Variants in PROSER2 observed in about 807,000 individuals in gnomAD.
PROSER2 encodes proline and serine rich 2, also known as proline and serine-rich protein 2.
PROSER2 carries 18 observed loss-of-function variants against 14.6 expected under a neutral mutation model. The ratio of observed to expected loss-of-function variants is 1.23; its 90% CI spans 0.85 to 1.83. The LOEUF is 1.83. Ranked by LOEUF, PROSER2 falls within the 40% of genes most tolerant of loss-of-function variation. The probability of loss-of-function intolerance (pLI) is 0.00; values close to 1 mark genes in which losing one functional copy is unlikely to be tolerated. For synonymous variants in PROSER2, 367 were observed against 286.4 expected, an observed-to-expected ratio of 1.28 and a Z score of -2.84; for missense variants, 823 against 629.8, an observed-to-expected ratio of 1.31 and a Z score of -3.28.
chr10:11,870,060 G>A lies in PROSER2; in HGVS notation c.962G>A (p.Gly321Asp). 2.4e-6 allele frequency: 3 copies of A among 1,245,404 alleles called. No homozygotes were observed. The highest frequency in any genetic ancestry group is 3.0e-6 in the Non-Finnish European group (3 of 995,112). 77.1% of individuals were successfully genotyped at this position (1,245,404 alleles called of 1,614,324 possible). ...CCGGAGCGGGTGGCGCGTGGCCGGG[G>A]CCTGCCGGGCCCCGCTGAGAGTCTC... is the stretch of plus-strand genomic sequence containing the variant. Reference protein sequence around the residue: ...SSPERVARGRGLPGPAESLRA... With the variant: ...SSPERVARGRDLPGPAESLRA... The change falls in exon 4 of 4, where the codon GGC becomes GAC. Residue 321 changes from glycine (G) to aspartate (D), a missense_variant. Gly to Asp is a moderately conservative substitution (Grantham distance 94). Coordinates refer to ENST00000277570, the MANE Select transcript of PROSER2 (RefSeq NM_153256.4).
At chr10:11,831,444 A>G (rs1002986914) in intron 1 of PROSER2, among the ~76,000 whole-genome samples, 2 of 152,256 alleles carry the variant, frequency 1.3e-5, no homozygotes, top group African/African-American at 4.8e-5. Flanking sequence ...TTTGCTCAGG[A>G]ATCCAGAAAT....
In PROSER2 at chr10:11,830,076, C is replaced by A. The variant is rs1041532747; in HGVS notation, c.-82+6606C>A. Among the ~76,000 whole-genome samples, 2 of 152,050 alleles carry A rather than the reference C, an allele frequency of 1.3e-5. No homozygotes were observed. The highest frequency in any genetic ancestry group is 6.6e-5 in the Admixed American group (1 of 15,266). On this transcript the variant is annotated intron_variant, in intron 1 of 3. Coordinates refer to ENST00000277570, the MANE Select transcript of PROSER2 (RefSeq NM_153256.4). This position sits in a 1 kb window ranked among gnomAD's most constrained non-coding sequence, Gnocchi z 4.5. Reference sequence around the variant, plus strand: ...CATGCTGGTCTCGAACTCCTGAGCTCAAGTGATTCACCTACCTCAGCCTCC... The same window carrying A: ...CATGCTGGTCTCGAACTCCTGAGCTAAAGTGATTCACCTACCTCAGCCTCC...
At chr10:11,832,129 G>A (rs1208683829) in intron 1 of PROSER2, among the ~76,000 whole-genome samples, 1 of 152,198 alleles carries the variant, frequency 6.6e-6, no homozygotes, top group African/African-American at 2.4e-5. Flanking sequence ...AGAAGTAAGG[G>A]AAATCCCAGT....
chr10:11,861,623 G>A (rs1371673758), intron 2 of PROSER2, among the ~76,000 whole-genome samples: 2 of 152,190 alleles, frequency 1.3e-5, no homozygotes, highest in African/African-American at 4.8e-5. Context: ...TGAGCAGGGA[G>A]CAAGAAGCGA....
At chr10:11,864,919 C>G (rs942248197) in intron 2 of PROSER2, among the ~76,000 whole-genome samples, 1 of 152,132 alleles carries the variant, frequency 6.6e-6, no homozygotes, top group African/African-American at 2.4e-5. Context: ...ATGTGACCTG[C>G]TTTTTCACTC....
At chr10:11,841,759 T>C (rs575909306) in intron 1 of PROSER2, among the ~76,000 whole-genome samples, 1 of 152,332 alleles carries the variant, frequency 6.6e-6, no homozygotes, top group African/African-American at 2.4e-5. Flanking sequence ...ACCAGTCTCT[T>C]AAAATTTGCT....
chr10:11,870,212 C>G lies in PROSER2; in HGVS notation c.1114C>G (p.Pro372Ala), dbSNP rs1191714527. The G allele has an allele frequency of 1.4e-5, 21 of 1,489,722 alleles. No individual in the cohort carries two copies. The highest frequency in any genetic ancestry group is 1.7e-5 in the Non-Finnish European group (19 of 1,127,006). The allele number at this position is 1,489,722 out of a possible 1,614,324, so 92.3% of individuals were successfully genotyped here. Residue 372 changes from proline (P) to alanine (A), a missense_variant, in exon 4 of 4, where the codon CCG becomes GCG. By Grantham distance (27) the Pro-to-Ala change is conservative. Coordinates refer to ENST00000277570, the MANE Select transcript of PROSER2 (RefSeq NM_153256.4). Reference protein sequence around the residue: ...AGKSLCFRPGPALPSTRARQS... With the variant: ...AGKSLCFRPGAALPSTRARQS... ...GAAGTCCCTCTGCTTCCGCCCTGGC[C>G]CGGCCCTGCCCAGCACGCGGGCCCG...
At chr10:11,858,323 C>T (rs1187123458) in intron 2 of PROSER2, among the ~76,000 whole-genome samples, 2 of 152,148 alleles carry the variant, frequency 1.3e-5, no homozygotes, top group African/African-American at 4.8e-5. Flanking sequence ...TTGATTCTAC[C>T]GTTTCTCTAA....
Position 11,866,305 on chromosome 10 carries a change from G to A in PROSER2, c.139-226G>A, listed in dbSNP as rs981987305. Among the ~76,000 whole-genome samples the A allele has an allele frequency of 2.8e-4, 42 of 152,126 alleles. No homozygotes were observed. The highest frequency in any genetic ancestry group is 9.2e-4 in the African/African-American group (38 of 41,412). ...GCTAGGAACCCCAAGGCGAGGGCCC[G>A]TTATAACAGCTTTGAGGCTCTGTTG... is the stretch of plus-strand genomic sequence containing the variant. On this transcript the variant is annotated intron_variant, in intron 2 of 3. Transcript: ENST00000277570. This position sits in a 1 kb window ranked among gnomAD's most constrained non-coding sequence, Gnocchi z 6.0.
intron 1 of PROSER2, among the ~76,000 whole-genome samples, chr10:11,829,906 A>T (rs4494220): frequency 0.65 from 95,046 of 145,294 alleles, 31,338 homozygotes; most frequent in Non-Finnish European, 0.7. Context: ...TGCAGTGGCA[A>T]GATCTTGGCT....
Position 11,866,470 on chromosome 10 carries a change from TG to T in PROSER2, c.139-60del, listed in dbSNP as rs1242498309. ...CCAATCCCAACTTTGCTTCAGCTTT[TG>T]TCTCTTTAGTGAAGCCAGTGTTTGT... On this transcript the variant is annotated intron_variant, in intron 2 of 3. Coordinates refer to ENST00000277570, the MANE Select transcript of PROSER2 (RefSeq NM_153256.4). This position sits in a 1 kb window ranked among gnomAD's most constrained non-coding sequence, Gnocchi z 6.0. 128 of 1,588,428 alleles carry T rather than the reference TG, an allele frequency of 8.1e-5. No homozygotes were observed. The highest frequency in any genetic ancestry group is 7.5e-4 in the Admixed American group (44 of 58,302).
rs1834118607 is a variant in PROSER2, at chr10:11,856,097, A to G, written c.138+3882A>G. Among the ~76,000 whole-genome samples, 1 of 152,188 alleles carries G rather than the reference A, an allele frequency of 6.6e-6. No individual in the cohort carries two copies. The highest frequency in any genetic ancestry group is 1.5e-5 in the Non-Finnish European group (1 of 68,028). The stretch of plus-strand genomic sequence containing the variant: ...AGAGGGCAGCTTTGATGTGTGTGCA[A>G]GGCGGTGCTTCCTGACAACGTCGGG... On this transcript the variant is annotated intron_variant, in intron 2 of 3. Transcript: ENST00000277570. This position sits in a 1 kb window ranked among gnomAD's most constrained non-coding sequence, Gnocchi z 5.3.
chr10:11,857,570 C>T (rs776329596), intron 2 of PROSER2, among the ~76,000 whole-genome samples: 31 of 152,106 alleles, frequency 2.0e-4, no homozygotes, highest in Non-Finnish European at 3.1e-4. Context: ...CATGGTGAAA[C>T]TCCGTCTCTA....
chr10:11,841,809 G>A (rs1425962665), intron 1 of PROSER2, among the ~76,000 whole-genome samples: 3 of 152,110 alleles, frequency 2.0e-5, no homozygotes, highest in Non-Finnish European at 4.4e-5. Context: ...GTTCTCCTAC[G>A]TATTCTGCAT....
At chr10:11,863,842 T>C (rs556420983) in intron 2 of PROSER2, among the ~76,000 whole-genome samples, 2 of 152,346 alleles carry the variant, frequency 1.3e-5, no homozygotes, top group African/African-American at 4.8e-5. Flanking sequence ...AAATGCTTTC[T>C]CTCACATTAG....
At position 11,866,665 on chromosome 10, in the gene PROSER2, C is replaced by T; in HGVS notation, c.273C>T (p.Ser91=). 1 of 1,614,162 alleles carries T rather than the reference C, an allele frequency of 6.2e-7. No homozygotes were observed. ...LCDGGVCCLC[S]PSLEESTSSP... ...ATGGAGGAGTGTGCTGCCTCTGCTC[C>T]CCGTCTCTGGAGGAGAGCACCTCCA... The change falls in exon 3 of 4, where the codon TCC becomes TCT. Residue 91 remains serine, a synonymous_variant. Transcript: ENST00000277570. This position sits in a 1 kb window ranked among gnomAD's most constrained non-coding sequence, Gnocchi z 6.0.
Position 11,870,377 on chromosome 10 carries a change from A to G in PROSER2, c.1279A>G (p.Lys427Glu). 1 of 1,507,158 alleles carries G rather than the reference A, an allele frequency of 6.6e-7. No homozygotes were observed. The highest frequency in any genetic ancestry group is 8.9e-7 in the Non-Finnish European group (1 of 1,129,538). 93.4% of individuals were successfully genotyped at this position (1,507,158 alleles called of 1,614,324 possible). A position where few individuals can be genotyped will look rare whatever the true frequency, so the allele number is the denominator to read the frequency against. Residue 427 changes from lysine (K) to glutamate (E), a missense_variant, in exon 4 of 4, where the codon AAG becomes GAG. Transcript: ENST00000277570. Reference sequence around the variant, plus strand: ...GGAGGCGCGCAGGGAGGCCCTGCGGAAGCTGGGGCTGCTCAGGGAGAGTTC... The same window carrying G: ...GGAGGCGCGCAGGGAGGCCCTGCGGGAGCTGGGGCTGCTCAGGGAGAGTTC... ...SEEARREALR[K>E]LGLLRESS
At chr10:11,859,064 C>T (rs1428658247) in intron 2 of PROSER2, among the ~76,000 whole-genome samples, 2 of 139,230 alleles carry the variant, frequency 1.4e-5, no homozygotes, top group African/African-American at 5.4e-5. Context: ...GTTCTTTTAA[C>T]ATCTGAAGAT....
At chr10:11,863,775 T>A (rs184810778) in intron 2 of PROSER2, among the ~76,000 whole-genome samples, 1 of 152,302 alleles carries the variant, frequency 6.6e-6, no homozygotes, top group Admixed American at 6.5e-5. Context: ...ACAATTTCAA[T>A]CTGAGACAAC....
Sources: gnomAD v4.1 joint callset for allele counts (sites outside exome capture counted in the v4.1 genomes callset) on GRCh38, gnomAD v4.1.1 for gene constraint, Gnocchi (gnomAD v3.1) non-coding constraint, MANE v1.5 for transcripts, NCBI Gene and HGNC (gene_info 2026-07-23, HGNC 2026-07-21) for gene names.